The following MPRIP variants were observed in gnomAD, a reference collection of about 807,000 sequenced individuals.
MPRIP encodes myosin phosphatase Rho-interacting protein.
In MPRIP, 59 loss-of-function variants were observed where a neutral mutation model predicts 234.9. That is an observed-to-expected ratio of 0.25 (90% CI 0.20 to 0.31). The LOEUF (loss-of-function observed/expected upper bound fraction) is 0.31. Ranked by LOEUF, MPRIP falls within the 10% of genes least tolerant of loss-of-function variation. The pLI is 1.00. For synonymous variants in MPRIP, 1,144 were observed against 1,263.9 expected (o/e 0.91, Z 2.01); for missense variants, 2,436 against 3,071.0 (o/e 0.79, Z 4.89).
intron 5 of MPRIP, among the ~76,000 whole-genome samples, chr17:17,133,636 G>A (rs1343357367): frequency 6.6e-6 from 1 of 152,190 alleles, no homozygotes; most frequent in Non-Finnish European, 1.5e-5. Context: ...GTTGTGCCCA[G>A]TAAGAATCAG....
rs555360297 is a variant in MPRIP at position 17,098,113 on chromosome 17, A to G, written c.267+20037A>G. On this transcript the variant is annotated intron_variant, in intron 3 of 23. Coordinates refer to ENST00000651222, the MANE Select transcript of MPRIP (RefSeq NM_001364716.4). ...CTGCTGGGGGTGTCCTGCTGGGGCC[A>G]GGCACCAGGGTTCCAATGCCAAGTA... Among the ~76,000 whole-genome samples, 24 of 152,248 alleles carry G rather than the reference A, an allele frequency of 1.6e-4. No homozygotes were observed. The East Asian group carries it at 3.9e-3, about 24-fold the overall frequency.
chr17:17,056,003 C>G (rs2088684378), intron 1 of MPRIP, among the ~76,000 whole-genome samples: 2 of 152,314 alleles, frequency 1.3e-5, no homozygotes, highest in East Asian at 3.9e-4. Context: ...CGGGAGGAAA[C>G]CCAGCTGTGG....
Position 17,166,781 on chromosome 17 carries a change from C to A in MPRIP, c.5190C>A (p.Ala1730=). 1 of 1,304,216 alleles carries A rather than the reference C, an allele frequency of 7.7e-7. No homozygotes were observed. The highest frequency in any genetic ancestry group is 1.0e-6 in the Non-Finnish European group (1 of 988,966). The allele number at this position is 1,304,216 out of a possible 1,614,324, so 80.8% of individuals were successfully genotyped here. A position where few individuals can be genotyped will look rare whatever the true frequency, so the allele number is the denominator to read the frequency against. The change falls in exon 16 of 24, where the codon GCC becomes GCA. Residue 1730 remains alanine (A), a synonymous_variant. Coordinates refer to ENST00000651222, the MANE Select transcript of MPRIP (RefSeq NM_001364716.4). The surrounding 1 kb of genome is among the most constrained non-coding windows in gnomAD (Gnocchi z 4.4). ...GAGTGATGCAGCAGGTCTTGGAAGCCCTCAGGCTTCCAGCGGGCCATGAAG... is the reference window on the plus strand; with the variant it reads ...GAGTGATGCAGCAGGTCTTGGAAGCACTCAGGCTTCCAGCGGGCCATGAAG... The part of the protein sequence containing the change: ...FERVMQQVLE[A]LRLPAGHEDG...
chr17:17,136,123 C>A, intron 5 of MPRIP, 96 bp from the exon 6 acceptor site: 2 of 1,306,922 alleles, frequency 1.5e-6, no homozygotes, highest in South Asian at 1.3e-5. Context: ...GTGTAGCTGG[C>A]CCGGGTGCCC....
Position 17,189,708 on chromosome 17 carries a change from G to A in MPRIP, c.*4814G>A, listed in dbSNP as rs1597547976. 1.3e-5 allele frequency: 2 copies of A among 152,118 alleles called. No individual in the cohort carries two copies. The highest frequency in any genetic ancestry group is 4.1e-4 in the South Asian group (2 of 4,826). 9.4% of individuals were successfully genotyped at this position (152,118 alleles called of 1,614,324 possible). A position where few individuals can be genotyped will look rare whatever the true frequency, so the allele number is the denominator to read the frequency against. ...GGCATGAGATAAAAGTCCTGGCTAG[G>A]GGAGCCATAGGTCTGTTGTACAAGG... On this transcript the variant is annotated 3_prime_UTR_variant, in exon 24 of 24. Coordinates refer to ENST00000651222, the MANE Select transcript of MPRIP (RefSeq NM_001364716.4).
chr17:17,088,612 A>G (rs1259656089), intron 3 of MPRIP, among the ~76,000 whole-genome samples: 1 of 152,168 alleles, frequency 6.6e-6, no homozygotes. Context: ...CCAGACTGCA[A>G]AGTCCCCCAG....
chr17:17,176,349 A>G (rs529186652), intron 20 of MPRIP, 77 bp from the exon 21 acceptor site: 6 of 1,125,174 alleles, frequency 5.3e-6, no homozygotes, highest in South Asian at 5.0e-5. Flanking sequence ...AGCCCTCTGC[A>G]CGCTTCAGCC....
chr17:17,056,794 C>G (rs977624727), intron 1 of MPRIP, among the ~76,000 whole-genome samples: 1 of 152,022 alleles, frequency 6.6e-6, no homozygotes, highest in Non-Finnish European at 1.5e-5. Flanking sequence ...GCCTTTAGTC[C>G]CCAGCAACTA....
rs555568289 is a variant in MPRIP, at chr17:17,158,632, G to A, written c.2030G>A (p.Arg677Gln). 47 of 1,601,814 alleles carry A rather than the reference G, an allele frequency of 2.9e-5. 1 individual carries two copies. The Admixed American group carries it at 3.1e-4, about 10-fold the overall frequency. The change falls in exon 14 of 24, where the codon CGG becomes CAG. Residue 677 changes from arginine to glutamine, a missense_variant. Physicochemically the swap from Arg to Gln is conservative, Grantham distance 43 (BLOSUM62 1). This residue lies in a region of MPRIP where 1,998 missense variants were observed against 2,520.3 expected (regional missense o/e 0.79). Coordinates refer to ENST00000651222, the MANE Select transcript of MPRIP (RefSeq NM_001364716.4). ...RPIQQALAQE[R>Q]VGGVGPADTH... is the part of the protein sequence containing the mutation. ...ATCCAGCAGGCCCTGGCTCAGGAGC[G>A]GGTGGGCGGCGTGGGGCCTGCTGAC...
At chr17:17,059,684 T>G (rs921212057) in intron 1 of MPRIP, among the ~76,000 whole-genome samples, 6 of 152,222 alleles carry the variant, frequency 3.9e-5, no homozygotes, top group Admixed American at 1.3e-4. Flanking sequence ...CTTCGTCTCC[T>G]TGTTGGTATT....
Position 17,126,803 on chromosome 17 carries a change from G to C in MPRIP, c.369G>C (p.Thr123=), listed in dbSNP as rs573427184. 1.3e-5 allele frequency: 21 copies of C among 1,614,098 alleles called. No homozygotes were observed. The highest frequency in any genetic ancestry group is 1.7e-5 in the Non-Finnish European group (20 of 1,180,032). The change falls in exon 4 of 24, where the codon ACG becomes ACC. Residue 123 remains threonine (T), a synonymous_variant. Transcript: ENST00000651222. ...TGQKFSLCIL[T]PEKEHFIRAE... ...AGAAGTTCTCCCTGTGTATTCTGAC[G>C]CCTGAGAAGGAGCATTTCATCCGGG...
intron 3 of MPRIP, among the ~76,000 whole-genome samples, chr17:17,095,346 G>A (rs889099120): frequency 1.3e-5 from 2 of 152,150 alleles, no homozygotes; most frequent in African/African-American, 4.8e-5. Flanking sequence ...CGACTGGCAG[G>A]CTTTGCCTTA....
In MPRIP at chr17:17,167,073, T is replaced by G. The variant is rs565347602; in HGVS notation, c.5482T>G (p.Leu1828Val). Residue 1828 changes from leucine to valine, a missense_variant, in exon 16 of 24, where the codon TTG (leucine) becomes GTG (valine). Leu to Val is a conservative substitution (Grantham distance 32). Transcript: ENST00000651222. The surrounding 1 kb of genome is among the most constrained non-coding windows in gnomAD (Gnocchi z 5.9). ...CCAGAGTCTCTCGTATAACACTTGT[T>G]TGGGAGGCCTCGGTCAGTATTCTTC... ...VSQSLSYNTC[L>V]GGLGQYSSLL... The G allele has an allele frequency of 2.3e-6, 3 of 1,304,292 alleles. No individual in the cohort carries two copies. In the Admixed American group the frequency reaches 6.9e-5, roughly 30 times the overall value. The allele number at this position is 1,304,292 out of a possible 1,614,324, so 80.8% of individuals were successfully genotyped here.
chr17:17,075,223 C>T (rs1200866232), intron 1 of MPRIP, among the ~76,000 whole-genome samples: 3 of 152,204 alleles, frequency 2.0e-5, no homozygotes, highest in Non-Finnish European at 2.9e-5. Context: ...TTTCTGCACG[C>T]AGTCACACAG....
chr17:17,118,028 G>C (rs1256087083), intron 3 of MPRIP, among the ~76,000 whole-genome samples: 2 of 152,214 alleles, frequency 1.3e-5, no homozygotes, highest in Non-Finnish European at 2.9e-5. Flanking sequence ...GAGAGCAGTG[G>C]TTTGTGGCTC....
chr17:17,143,357 G>T (rs1238448375), intron 8 of MPRIP, among the ~76,000 whole-genome samples, 199 bp from the exon 9 acceptor site: 2 of 152,238 alleles, frequency 1.3e-5, no homozygotes, highest in Non-Finnish European at 2.9e-5. Flanking sequence ...AGAAAAGGCT[G>T]CTCTATCAAC....
intron 3 of MPRIP, among the ~76,000 whole-genome samples, chr17:17,105,903 A>G (rs2090054307): frequency 6.6e-6 from 1 of 152,200 alleles, no homozygotes; most frequent in Admixed American, 6.5e-5. Flanking sequence ...CCCATATAGG[A>G]CATCTGCCAC....
At chr17:17,145,521 C>G (rs1450747912) in intron 9 of MPRIP, among the ~76,000 whole-genome samples, 1 of 152,232 alleles carries the variant, frequency 6.6e-6, no homozygotes, top group African/African-American at 2.4e-5. Context: ...GAATACAGGT[C>G]AAGCCTATTC....
intron 3 of MPRIP, among the ~76,000 whole-genome samples, chr17:17,083,847 G>A (rs2089522992): frequency 6.6e-6 from 1 of 152,130 alleles, no homozygotes; most frequent in South Asian, 2.1e-4. Flanking sequence ...GGGTTCAAGT[G>A]ATTCTCCTGC....
Sources: allele counts gnomAD v4.1 joint callset (sites outside exome capture counted in the v4.1 genomes callset), GRCh38; gene constraint gnomAD v4.1.1; regional missense constraint gnomAD v4.1.1; non-coding constraint Gnocchi (gnomAD v3.1); transcripts MANE v1.5; gene names NCBI Gene and HGNC (gene_info 2026-07-23, HGNC 2026-07-21).